Variants in BABAM2 observed in about 807,000 individuals in gnomAD.
BABAM2 encodes the protein BRISC and BRCA1-A complex member 2.
BABAM2 carries 31 observed loss-of-function variants against 54.7 expected under a neutral mutation model. That is an observed-to-expected ratio of 0.57 (90% confidence interval 0.43 to 0.77). The LOEUF (loss-of-function observed/expected upper bound fraction) is 0.77, where lower values mean the gene tolerates loss of function less well. BABAM2 is among the 30% of genes least tolerant of loss of function. The probability of loss-of-function intolerance (pLI) is 0.00; values close to 1 mark genes in which losing one functional copy is unlikely to be tolerated. For missense variants in BABAM2, 364 were observed against 455.8 expected (o/e 0.80, Z 1.83); for synonymous variants, 167 against 162.9 (o/e 1.03, Z -0.19).
At chr2:28,299,441 G>A (rs889414396) in intron 11 of BABAM2, among the ~76,000 whole-genome samples, 6 of 152,214 alleles carry the variant, frequency 3.9e-5, no homozygotes, top group East Asian at 1.9e-4. Context: ...AAAATAAATC[G>A]AAGAGTGCAT....
At chr2:28,016,056 C>T (rs1674787153) in intron 4 of BABAM2, 1 of 719,686 alleles carries the variant, frequency 1.4e-6, no homozygotes, top group Non-Finnish European at 2.4e-6. Context: ...CTGACATGGA[C>T]CTTTCAGAAG....
At chr2:28,274,006 C>T (rs911404658) in intron 10 of BABAM2, among the ~76,000 whole-genome samples, 21 of 152,262 alleles carry the variant, frequency 1.4e-4, no homozygotes, top group African/African-American at 4.1e-4. Flanking sequence ...GTTTGCCACT[C>T]CCGTGCCTTC....
chr2:28,103,307 T>TTTTGTTTTGC (rs1483415996), intron 6 of BABAM2, among the ~76,000 whole-genome samples: 1 of 150,134 alleles, frequency 6.7e-6, no homozygotes, highest in Non-Finnish European at 1.5e-5. Context: ...AGTATTTTTG[T>TTTTGTTTTGC]TTTGTTTTGT....
intron 2 of BABAM2, among the ~76,000 whole-genome samples, chr2:27,923,103 C>T (rs1168880500): frequency 3.3e-5 from 5 of 152,078 alleles, no homozygotes; most frequent in Non-Finnish European, 7.4e-5. Flanking sequence ...AAATTCCGAC[C>T]CAAAGAAACT....
At chr2:28,188,894 C>T (rs187292340) in intron 7 of BABAM2, among the ~76,000 whole-genome samples, 208 of 152,234 alleles carry the variant, frequency 1.4e-3, no homozygotes, top group African/African-American at 4.8e-3. Context: ...TTTATGAGTC[C>T]TTTCATTAAA....
chr2:28,226,814 CAG>C (rs2148028727), intron 7 of BABAM2, among the ~76,000 whole-genome samples: 2 of 151,726 alleles, frequency 1.3e-5, no homozygotes, highest in South Asian at 4.2e-4. Flanking sequence ...GTTTTAGCCC[CAG>C]TGAGAAGTTC....
rs543828131 is a variant in BABAM2, at chr2:28,263,192, A to G, written c.934+18330A>G. Among the ~76,000 whole-genome samples the G allele has an allele frequency of 2.0e-5, 3 of 151,726 alleles. No homozygotes were observed. In the South Asian group the frequency reaches 6.3e-4, roughly 32 times the overall value. On this transcript the variant is annotated intron_variant, in intron 10 of 11. Transcript: ENST00000379624. The stretch of plus-strand genomic sequence containing the variant: ...GAGGAGGAGAGGGGAGGGGATTATT[A>G]TTATTAATAATAATACCATTGTTAT...
At chr2:28,231,547 G>C (rs1215589279) in intron 7 of BABAM2, among the ~76,000 whole-genome samples, 1 of 152,010 alleles carries the variant, frequency 6.6e-6, no homozygotes, top group East Asian at 1.9e-4. Flanking sequence ...ACTTCCAACG[G>C]CTCCTGAATC....
chr2:28,275,208 G>T (rs1685772746), intron 10 of BABAM2, among the ~76,000 whole-genome samples: 1 of 152,220 alleles, frequency 6.6e-6, no homozygotes, highest in Non-Finnish European at 1.5e-5. Flanking sequence ...TTTGGATGAA[G>T]CCAACGGATC....
At chr2:27,912,028 C>A (rs1332704533) in intron 2 of BABAM2, among the ~76,000 whole-genome samples, 1 of 152,170 alleles carries the variant, frequency 6.6e-6, no homozygotes, top group Admixed American at 6.6e-5. Context: ...CATTGTTTAA[C>A]CATGCCTAAT....
At chr2:27,898,846 A>G (rs1431881516) in intron 2 of BABAM2, among the ~76,000 whole-genome samples, 1 of 152,140 alleles carries the variant, frequency 6.6e-6, no homozygotes, top group Non-Finnish European at 1.5e-5. Context: ...ATGTTGTAAA[A>G]TTAGATAGTG....
intron 7 of BABAM2, among the ~76,000 whole-genome samples, chr2:28,159,989 G>T (rs1471722041): frequency 6.6e-6 from 1 of 151,994 alleles, no homozygotes; most frequent in Non-Finnish European, 1.5e-5. Flanking sequence ...TTGTTTGTTT[G>T]TTTGTTTGAA....
At chr2:28,273,845 G>T (rs576532882) in intron 10 of BABAM2, among the ~76,000 whole-genome samples, 2 of 152,168 alleles carry the variant, frequency 1.3e-5, no homozygotes, top group African/African-American at 4.8e-5. Flanking sequence ...GCCTCACCAC[G>T]CAGTGGCTCC....
chr2:27,895,635 CTGTATTTTGCTGAG>C (rs1665233936), intron 2 of BABAM2, among the ~76,000 whole-genome samples: 1 of 152,112 alleles, frequency 6.6e-6, no homozygotes, highest in Non-Finnish European at 1.5e-5. Context: ...TAGTTAAGTA[CTGTATTTTGCTGAG>C]TGATGCTTTG....
chr2:28,006,586 A>G (rs918934605), intron 4 of BABAM2, among the ~76,000 whole-genome samples: 1 of 152,082 alleles, frequency 6.6e-6, no homozygotes, highest in African/African-American at 2.4e-5. Flanking sequence ...CAGGTAGCCT[A>G]TTCACCTAAA....
rs1464222612 is a variant in BABAM2 at position 28,140,449 on chromosome 2, T to C, written c.680+11069T>C. On this transcript the variant is annotated intron_variant, in intron 7 of 11. Coordinates refer to ENST00000379624, the MANE Select transcript of BABAM2 (RefSeq NM_199191.3). Reference sequence around the variant, plus strand: ...AATTTTTTTAGAATGGTGGAATTATTCTCTGTTGTCACGGTGAATATACAA... The same window carrying C: ...AATTTTTTTAGAATGGTGGAATTATCCTCTGTTGTCACGGTGAATATACAA... 3.9e-5 allele frequency among the ~76,000 whole-genome samples: 6 copies of C among 152,276 alleles called. No homozygotes were observed. The East Asian group carries it at 7.7e-4, about 20-fold the overall frequency.
intron 7 of BABAM2, among the ~76,000 whole-genome samples, chr2:28,180,841 CA>C (rs1285587179): frequency 3.3e-5 from 5 of 152,042 alleles, no homozygotes; most frequent in African/African-American, 1.2e-4. Context: ...CGCAAATTGT[CA>C]ACAGGTATAC....
intron 11 of BABAM2, among the ~76,000 whole-genome samples, chr2:28,312,059 G>C (rs1689133464): frequency 6.6e-6 from 1 of 152,210 alleles, no homozygotes; most frequent in African/African-American, 2.4e-5. Context: ...GGTGCCGCCA[G>C]GGCTGCTCAG....
intron 7 of BABAM2, among the ~76,000 whole-genome samples, chr2:28,234,371 A>G (rs1309665354): frequency 6.6e-6 from 1 of 151,882 alleles, no homozygotes; most frequent in Non-Finnish European, 1.5e-5. Context: ...ATCTCTTCAC[A>G]CCTCTGCTTT....
Sources: allele counts gnomAD v4.1 joint callset (sites outside exome capture counted in the v4.1 genomes callset), GRCh38; gene constraint gnomAD v4.1.1; transcripts MANE v1.5; gene names NCBI Gene and HGNC (gene_info 2026-07-23, HGNC 2026-07-21).